ENPP2: variants seen among roughly 807,000 people sequenced by gnomAD.
ENPP2 encodes autotaxin.
In ENPP2, 51 loss-of-function variants were observed where a neutral mutation model predicts 120.2. The observed-to-expected ratio is 0.42, with a 90% confidence interval of 0.34 to 0.54. ENPP2 has a LOEUF of 0.54. Ranked by LOEUF, ENPP2 falls within the 20% of genes least tolerant of loss-of-function variation. The pLI is 0.04. For missense variants in ENPP2, 920 were observed against 1,066.5 expected (o/e 0.86, Z 1.91); for synonymous variants, 365 against 366.4 (o/e 1.00, Z 0.04).
chr8:119,599,309 T>G (rs918590112), intron 11 of ENPP2, among the ~76,000 whole-genome samples: 1 of 152,208 alleles, frequency 6.6e-6, no homozygotes, highest in African/African-American at 2.4e-5. Flanking sequence ...TCTGAATTGA[T>G]GTCAAAGCAT....
At chr8:119,656,613 A>T (rs1193946085) in intron 1 of ENPP2, among the ~76,000 whole-genome samples, 1 of 152,226 alleles carries the variant, frequency 6.6e-6, no homozygotes, top group African/African-American at 2.4e-5. Flanking sequence ...TAACACAAGA[A>T]TCCAAGTCCC....
rs182277395 is a variant in ENPP2, at chr8:119,589,607, G to C, written c.1207+898C>G. 2.0e-3 allele frequency among the ~76,000 whole-genome samples: 304 copies of C among 152,252 alleles called. 1 individual carries two copies. The highest frequency in any genetic ancestry group is 5.1e-4 in the Non-Finnish European group (35 of 68,012). On this transcript the variant is annotated intron_variant, in intron 13 of 24. Transcript: ENST00000075322. ...ACACAGGGACAGGAAAGGTCATGGAGGAGAGAGGGCAGAAACACCCACATT... is the reference window on the plus strand; with the variant it reads ...ACACAGGGACAGGAAAGGTCATGGACGAGAGAGGGCAGAAACACCCACATT...
chr8:119,568,621 T>C (rs921456793), intron 21 of ENPP2, among the ~76,000 whole-genome samples: 1 of 151,976 alleles, frequency 6.6e-6, no homozygotes, highest in Non-Finnish European at 1.5e-5. Context: ...TTTTTTTAAA[T>C]ATGGAATCTT....
At chr8:119,656,487 T>C (rs775145784) in intron 1 of ENPP2, among the ~76,000 whole-genome samples, 1 of 152,322 alleles carries the variant, frequency 6.6e-6, no homozygotes, top group South Asian at 2.1e-4. Flanking sequence ...TTGCTGAACA[T>C]TTAACATAAG....
At chr8:119,606,869 A>G (rs2130622996) in intron 9 of ENPP2, among the ~76,000 whole-genome samples, 1 of 151,938 alleles carries the variant, frequency 6.6e-6, no homozygotes, top group East Asian at 1.9e-4. Context: ...AAAAAAAAAA[A>G]GATGGAAAGA....
chr8:119,603,838 A>G (rs761435215), intron 9 of ENPP2, among the ~76,000 whole-genome samples: 2 of 152,048 alleles, frequency 1.3e-5, no homozygotes, highest in Non-Finnish European at 2.9e-5. Flanking sequence ...AGGGGTCGTC[A>G]TTTTCTTGGG....
chr8:119,557,520 G>A lies in ENPP2; in HGVS notation c.*1C>T. On this transcript the variant is annotated 3_prime_UTR_variant, in exon 25 of 25. Coordinates refer to ENST00000075322, the MANE Select transcript of ENPP2 (RefSeq NM_001040092.3). ...AGACTGTACTGCAGATGCTCAGAAA[G>A]TTAAATCTCGCTCTCATATGTATGC... is the stretch of plus-strand genomic sequence containing the variant. 6.2e-7 allele frequency: 1 copy of A among 1,610,984 alleles called. No individual in the cohort carries two copies. Among genetic ancestry groups the A allele is most frequent in the African/African-American group, 1.3e-5 (1 of 74,916 alleles).
exon 1 of ENPP2, chr8:119,673,355 T>C: frequency 6.7e-7 from 1 of 1,496,744 alleles, no homozygotes; most frequent in South Asian, 1.2e-5. Context: ...GGAGCTGTGC[T>C]CGGGACGGCT....
intron 10 of ENPP2, 78 bp from the exon 11 acceptor site, chr8:119,600,828 A>C: frequency 4.7e-6 from 4 of 855,218 alleles, no homozygotes; most frequent in Non-Finnish European, 7.7e-6. Flanking sequence ...TAAAAAACGC[A>C]TTTAAAAAAA....
chr8:119,558,078 A>G (rs572068611), intron 24 of ENPP2, among the ~76,000 whole-genome samples: 2 of 152,356 alleles, frequency 1.3e-5, no homozygotes, highest in African/African-American at 4.8e-5. Flanking sequence ...GTAACTTGGA[A>G]TATGCTTCTG....
In ENPP2 at chr8:119,569,173, T is replaced by G. The variant is rs1587341745; in HGVS notation, c.2053+62A>C. 17 of 1,523,798 alleles carry G rather than the reference T, an allele frequency of 1.1e-5. No homozygotes were observed. The East Asian group carries it at 4.0e-4, about 35-fold the overall frequency. The allele number at this position is 1,523,798 out of a possible 1,614,324, so 94.4% of individuals were successfully genotyped here. The stretch of plus-strand genomic sequence containing the variant: ...AAACCCAAGCCACTGAAATTCCAAA[T>G]ACCAAGATTGCACAATGTGACATCC... On this transcript the variant is annotated intron_variant, in intron 21 of 24. Coordinates refer to ENST00000075322, the MANE Select transcript of ENPP2 (RefSeq NM_001040092.3).
intron 1 of ENPP2, among the ~76,000 whole-genome samples, chr8:119,671,922 G>A (rs1275685022): frequency 6.6e-6 from 1 of 152,164 alleles, no homozygotes; most frequent in Non-Finnish European, 1.5e-5. Flanking sequence ...GGGAAGCATG[G>A]GATTGCAGGA....
chr8:119,584,257 G>A lies in ENPP2; in HGVS notation c.1368-208C>T, dbSNP rs185437218. Among the ~76,000 whole-genome samples the A allele has an allele frequency of 2.3e-3, 348 of 152,186 alleles. 5 individuals are homozygous for A. The highest frequency in any genetic ancestry group is 7.0e-3 in the African/African-American group (292 of 41,524). Reference sequence around the variant, plus strand: ...TGACAGTTATTGCAGGATAAATGGCGACCTGTGAACTGAAGTCACGATGCC... The same window carrying A: ...TGACAGTTATTGCAGGATAAATGGCAACCTGTGAACTGAAGTCACGATGCC... On this transcript the variant is annotated intron_variant, in intron 15 of 24. Coordinates refer to ENST00000075322, the MANE Select transcript of ENPP2 (RefSeq NM_001040092.3).
chr8:119,671,555 TC>T (rs149515740), intron 1 of ENPP2, among the ~76,000 whole-genome samples: 1,667 of 152,292 alleles, frequency 0.011, 24 homozygotes, highest in African/African-American at 0.038. Flanking sequence ...CTAGGGTGAT[TC>T]TGTTGTGTCT....
chr8:119,617,548 T>C lies in ENPP2; in HGVS notation c.495A>G (p.Pro165=), dbSNP rs763962847. ...AGCCATCCACGGAGAAGATGATTAA[T>C]GGAGGGCGAACAAACCTTAAACAGT... The part of the protein sequence containing the change: ...AECPAGFVRP[P]LIIFSVDGFR... The change falls in exon 6 of 25, where the codon CCA becomes CCG. Residue 165 remains proline, a synonymous_variant. Coordinates refer to ENST00000075322, the MANE Select transcript of ENPP2 (RefSeq NM_001040092.3). The C allele has an allele frequency of 1.3e-5, 21 of 1,612,966 alleles. 1 individual carries two copies. In the South Asian group the frequency reaches 2.2e-4, roughly 17 times the overall value.
Position 119,582,519 on chromosome 8 carries a change from T to A in ENPP2, c.1627A>T (p.Thr543Ser), listed in dbSNP as rs533864234. 8.2e-5 allele frequency: 133 copies of A among 1,613,890 alleles called. 3 individuals carry two copies. The South Asian group carries it at 1.3e-3, about 16-fold the overall frequency. ...GGTCTGGTAACTTCCTCTGGCATGG[T>A]TGGCCTGAAGGTATTAGTGCGCAGG... ...HLLRTNTFRP[T>S]MPEEVTRPNY... The change falls in exon 18 of 25, where the codon ACC becomes TCC. Residue 543 changes from threonine (T) to serine (S), a missense_variant. Physicochemically the swap from Thr to Ser is moderately conservative, Grantham distance 58. Coordinates refer to ENST00000075322, the MANE Select transcript of ENPP2 (RefSeq NM_001040092.3).
chr8:119,636,987 T>G (rs1445427310), intron 2 of ENPP2, among the ~76,000 whole-genome samples: 11 of 152,124 alleles, frequency 7.2e-5, no homozygotes, highest in Admixed American at 7.2e-4. Context: ...TTTACATTCA[T>G]TAAGGAAACA....
rs1563680979 is a variant in ENPP2 at position 119,573,407 on chromosome 8, T to TAAAAAAAA, written c.1781-2567_1781-2566insTTTTTTTT. Among the ~76,000 whole-genome samples the TAAAAAAAA allele has an allele frequency of 8.9e-4, 64 of 71,526 alleles. 2 individuals carry two copies. Among genetic ancestry groups the TAAAAAAAA allele is most frequent in the African/African-American group, 4.5e-3 (63 of 14,058 alleles). The allele number at this position is 71,526 out of a possible 152,430, so 46.9% of individuals were successfully genotyped here. A position where few individuals can be genotyped will look rare whatever the true frequency, so the allele number is the denominator to read the frequency against. ...AGGTGACAGAGCGAGGCTCCGTCTC[T>TAAAAAAAA]TAAAAAAAAAAAAAAAAAAGATTCA... On this transcript the variant is annotated intron_variant, in intron 19 of 24. Coordinates refer to ENST00000075322, the MANE Select transcript of ENPP2 (RefSeq NM_001040092.3).
intron 8 of ENPP2, among the ~76,000 whole-genome samples, chr8:119,609,219 C>T (rs1252867411): frequency 6.6e-6 from 1 of 152,088 alleles, no homozygotes; most frequent in Admixed American, 6.6e-5. Flanking sequence ...TGGGAAAGCT[C>T]GAAAAGGGTT....
Sources: allele counts gnomAD v4.1 joint callset (sites outside exome capture counted in the v4.1 genomes callset), GRCh38; gene constraint gnomAD v4.1.1; transcripts MANE v1.5; gene names NCBI Gene and HGNC (gene_info 2026-07-23, HGNC 2026-07-21).